The following CGNL1 variants were observed in gnomAD, a reference collection of about 807,000 sequenced individuals.
The protein encoded by CGNL1 is cingulin like 1.
In CGNL1, 132 loss-of-function variants were observed where a neutral mutation model predicts 141.2. That is an observed-to-expected ratio of 0.93 (90% CI 0.81 to 1.08). The LOEUF is 1.08. Among genes scored for constraint, CGNL1 ranks in the 50% least tolerant of loss-of-function variants. The pLI, the probability that CGNL1 is intolerant of heterozygous loss-of-function variation, is 0.00. For missense variants in CGNL1, 1,870 were observed against 1,588.6 expected (o/e 1.18, Z -3.01); for synonymous variants, 690 against 622.1 (o/e 1.11, Z -1.63).
intron 8 of CGNL1, among the ~76,000 whole-genome samples, chr15:57,482,930 A>T (rs1369257280): frequency 6.6e-6 from 1 of 152,042 alleles, no homozygotes; most frequent in Non-Finnish European, 1.5e-5. Context: ...GATTACAGGC[A>T]GCCGCCACCT....
At position 57,427,817 on chromosome 15, in the gene CGNL1, C is replaced by T. The variant is rs546173305; in HGVS notation, c.-15-10168C>T. ...ACTTGATAACCCCAGGGCCTAATTT[C>T]TACTTTTGGAACATACATACCTTGT... On this transcript the variant is annotated intron_variant, in intron 1 of 18. Transcript: ENST00000281282. Among the ~76,000 whole-genome samples the T allele has an allele frequency of 7.4e-4, 113 of 152,314 alleles. 1 individual carries two copies. The highest frequency in any genetic ancestry group is 2.7e-3 in the South Asian group (13 of 4,832).
rs761234829 is a variant in CGNL1, at chr15:57,442,415, G to A, written c.1740G>A (p.Leu580=). The A allele has an allele frequency of 1.2e-6, 2 of 1,613,584 alleles. No individual in the cohort carries two copies. Among genetic ancestry groups the A allele is most frequent in the South Asian group, 1.1e-5 (1 of 91,052 alleles). Residue 580 remains leucine (L), a synonymous_variant, in exon 4 of 19, where the codon TTG becomes TTA. Transcript: ENST00000281282. ...ATGCTACTAAAAGGAAAGTCAACTT[G>A]GTCTTTGAGAAAATCCAGACCTTAA... ...NDDATKRKVN[L]VFEKIQTLKS...
At chr15:57,537,829 G>A (rs2032344182) in intron 14 of CGNL1, among the ~76,000 whole-genome samples, 2 of 152,204 alleles carry the variant, frequency 1.3e-5, no homozygotes. Context: ...TTTGCCTTCA[G>A]CTCCTGTTCT....
rs79735524 is a variant in CGNL1, at chr15:57,537,087, G to A, written c.3291+5308G>A. Among the ~76,000 whole-genome samples the A allele has an allele frequency of 6.2e-3, 939 of 152,310 alleles. 6 individuals are homozygous for A. The highest frequency in any genetic ancestry group is 8.7e-3 in the Non-Finnish European group (593 of 68,028). ...ATAGGCTGTTGTGCTGGCTCGATAA[G>A]CACTGCTGCAAATGCTTCACAGCAG... On this transcript the variant is annotated intron_variant, in intron 14 of 18. Transcript: ENST00000281282.
Position 57,415,419 on chromosome 15 carries a change from A to G in CGNL1, c.-15-22566A>G, listed in dbSNP as rs138163050. Among the ~76,000 whole-genome samples, 954 of 152,322 alleles carry G rather than the reference A, an allele frequency of 6.3e-3. 13 individuals are homozygous for G. The highest frequency in any genetic ancestry group is 0.022 in the African/African-American group (909 of 41,558). On this transcript the variant is annotated intron_variant, in intron 1 of 18. Coordinates refer to ENST00000281282, the MANE Select transcript of CGNL1 (RefSeq NM_032866.5). ...TGGAAGCAAAGCCAGAGAAGATGCTACGCTGCTGGCGTTGAAGATGGAGGA... is the reference window on the plus strand; with the variant it reads ...TGGAAGCAAAGCCAGAGAAGATGCTGCGCTGCTGGCGTTGAAGATGGAGGA...
intron 1 of CGNL1, among the ~76,000 whole-genome samples, chr15:57,406,239 A>G (rs1253328488): frequency 1.3e-5 from 2 of 152,224 alleles, no homozygotes; most frequent in East Asian, 3.9e-4. Context: ...CCTCCAGATC[A>G]GGGCTGCCTG....
chr15:57,431,374 T>G (rs190294489), intron 1 of CGNL1, among the ~76,000 whole-genome samples: 21 of 152,334 alleles, frequency 1.4e-4, no homozygotes, highest in Admixed American at 1.0e-3. Flanking sequence ...TTGGTCAGTT[T>G]CCTACATTTG....
At chr15:57,528,304 C>T (rs969682014) in intron 12 of CGNL1, among the ~76,000 whole-genome samples, 3 of 151,924 alleles carry the variant, frequency 2.0e-5, no homozygotes, top group Non-Finnish European at 2.9e-5. Flanking sequence ...CAGGAATACA[C>T]GCATCTGCAC....
chr15:57,446,124 G>A (rs1197090224), intron 4 of CGNL1, among the ~76,000 whole-genome samples: 2 of 152,160 alleles, frequency 1.3e-5, no homozygotes, highest in Non-Finnish European at 2.9e-5. Flanking sequence ...TGTATAAAGG[G>A]TCTTGGGAAC....
At chr15:57,427,231 G>A (rs141222574) in intron 1 of CGNL1, among the ~76,000 whole-genome samples, 1 of 152,296 alleles carries the variant, frequency 6.6e-6, no homozygotes, top group African/African-American at 2.4e-5. Flanking sequence ...CATGTAGCAA[G>A]CTGCTAGGTT....
intron 8 of CGNL1, among the ~76,000 whole-genome samples, chr15:57,471,973 G>A (rs1414034097): frequency 6.6e-6 from 1 of 151,982 alleles, no homozygotes; most frequent in African/African-American, 2.4e-5. Flanking sequence ...GTGTGGTTGT[G>A]CACCCTGTAG....
At chr15:57,529,437 G>A (rs1331438989) in intron 13 of CGNL1, among the ~76,000 whole-genome samples, 1 of 152,166 alleles carries the variant, frequency 6.6e-6, no homozygotes, top group Non-Finnish European at 1.5e-5. Context: ...TTAGAAAAAT[G>A]TAAATGAAGT....
At chr15:57,494,880 A>G (rs1258820848) in intron 8 of CGNL1, among the ~76,000 whole-genome samples, 1 of 152,176 alleles carries the variant, frequency 6.6e-6, no homozygotes, top group Non-Finnish European at 1.5e-5. Context: ...CATGTGCTTC[A>G]TGTATAATTC....
intron 14 of CGNL1, among the ~76,000 whole-genome samples, chr15:57,543,024 C>T (rs1231326120): frequency 2.6e-5 from 4 of 152,174 alleles, no homozygotes; most frequent in Non-Finnish European, 4.4e-5. Context: ...AGTAACACAA[C>T]CTGGGTGCCT....
intron 1 of CGNL1, among the ~76,000 whole-genome samples, chr15:57,393,620 T>G (rs1472413087): frequency 6.6e-6 from 1 of 152,176 alleles, no homozygotes; most frequent in Non-Finnish European, 1.5e-5. Context: ...GAATCTGAGA[T>G]CATTGGTACG....
intron 1 of CGNL1, among the ~76,000 whole-genome samples, chr15:57,408,343 T>C (rs1370192384): frequency 6.6e-6 from 1 of 152,094 alleles, no homozygotes; most frequent in Non-Finnish European, 1.5e-5. Flanking sequence ...CTTGCGTTGA[T>C]AGACATCCTT....
At chr15:57,400,469 C>T (rs1953539397) in intron 1 of CGNL1, among the ~76,000 whole-genome samples, 1 of 152,142 alleles carries the variant, frequency 6.6e-6, no homozygotes, top group East Asian at 1.9e-4. Context: ...ATGCTGGGTG[C>T]TGTGCTTGAG....
chr15:57,398,600 C>T (rs1459999399), intron 1 of CGNL1, among the ~76,000 whole-genome samples: 1 of 152,194 alleles, frequency 6.6e-6, no homozygotes, highest in Non-Finnish European at 1.5e-5. Flanking sequence ...AAGTGGGACC[C>T]TCATGGCAGC....
intron 12 of CGNL1, among the ~76,000 whole-genome samples, 183 bp from the exon 13 acceptor site, chr15:57,528,471 C>G (rs2031752566): frequency 1.3e-5 from 2 of 152,084 alleles, no homozygotes; most frequent in African/African-American, 4.8e-5. Context: ...AAAACCTCCT[C>G]TTTTTACAAA....
Sources: gnomAD v4.1 joint callset for allele counts (sites outside exome capture counted in the v4.1 genomes callset) on GRCh38, gnomAD v4.1.1 for gene constraint, MANE v1.5 for transcripts, NCBI Gene and HGNC (gene_info 2026-07-23, HGNC 2026-07-21) for gene names.